Variants in PRIM2 observed in about 807,000 individuals in gnomAD.
PRIM2 encodes DNA primase subunit 2, also known as DNA primase large subunit.
In PRIM2, 39 loss-of-function variants were observed where a neutral mutation model predicts 67.3. The observed-to-expected ratio is 0.58, with a 90% confidence interval of 0.45 to 0.76. The LOEUF (loss-of-function observed/expected upper bound fraction) is 0.76, where lower values mean the gene tolerates loss of function less well. Among genes scored for constraint, PRIM2 ranks in the 30% least tolerant of loss-of-function variants. PRIM2 has a pLI of 0.00. For missense variants in PRIM2, 398 were observed against 598.7 expected, an observed-to-expected ratio of 0.66 and a Z score of 3.50; for synonymous variants, 143 against 198.7, an observed-to-expected ratio of 0.72 and a Z score of 2.36.
At chr6:57,408,530 G>C (rs1169023734) in intron 7 of PRIM2, among the ~76,000 whole-genome samples, 38 of 152,094 alleles carry the variant, frequency 2.5e-4, no homozygotes, top group African/African-American at 8.9e-4. Context: ...TTGTGCTTTT[G>C]TACAATAAAT....
chr6:57,516,177 C>G (rs1163834652), intron 8 of PRIM2, among the ~76,000 whole-genome samples: 1 of 151,958 alleles, frequency 6.6e-6, no homozygotes, highest in African/African-American at 2.4e-5. Flanking sequence ...GATCAGACTA[C>G]AGGGATATCC....
intron 12 of PRIM2, among the ~76,000 whole-genome samples, chr6:57,630,434 A>C (rs1288909204): frequency 6.6e-6 from 1 of 152,004 alleles, no homozygotes; most frequent in Non-Finnish European, 1.5e-5. Context: ...TTTGCAATAC[A>C]TCTGTTTTTC....
intron 12 of PRIM2, among the ~76,000 whole-genome samples, chr6:57,617,214 T>G (rs1776771368): frequency 6.6e-6 from 1 of 152,228 alleles, no homozygotes; most frequent in Non-Finnish European, 1.5e-5. Context: ...ATCTTTATTT[T>G]CACATGGCTT....
the PRIM2 span, among the ~76,000 whole-genome samples, chr6:57,286,975 G>T: frequency 6.6e-6 from 1 of 152,186 alleles, no homozygotes; most frequent in East Asian, 1.9e-4. Flanking sequence ...CTCAAAAGAA[G>T]ACATTTATGT....
chr6:57,595,778 T>A (rs1266353410), intron 10 of PRIM2, among the ~76,000 whole-genome samples: 1 of 152,206 alleles, frequency 6.6e-6, no homozygotes, highest in Non-Finnish European at 1.5e-5. Context: ...TGTTCCACCC[T>A]CCTATCATCT....
At chr6:57,271,594 A>AT in the PRIM2 span, among the ~76,000 whole-genome samples, 1 of 152,002 alleles carries the variant, frequency 6.6e-6, no homozygotes, top group Admixed American at 6.6e-5. Flanking sequence ...GGATTCATTG[A>AT]TTTTTTGAAG....
At chr6:57,294,643 T>C in the PRIM2 span, among the ~76,000 whole-genome samples, 1 of 151,374 alleles carries the variant, frequency 6.6e-6, no homozygotes, top group Non-Finnish European at 1.5e-5. Flanking sequence ...ATATAACATA[T>C]GTGTATGTAT....
chr6:57,345,239 C>A (rs1253474171), intron 5 of PRIM2, among the ~76,000 whole-genome samples: 1 of 151,958 alleles, frequency 6.6e-6, no homozygotes, highest in Non-Finnish European at 1.5e-5. Flanking sequence ...CTCACTGCAA[C>A]CTTTGCCTCC....
chr6:57,344,045 C>T (rs2127295912), intron 5 of PRIM2, among the ~76,000 whole-genome samples: 1 of 152,122 alleles, frequency 6.6e-6, no homozygotes, highest in East Asian at 1.9e-4. Context: ...CTCACTGAAA[C>T]TGAATTAGCA....
At chr6:57,310,528 C>T (rs1256558041), upstream of PRIM2, among the ~76,000 whole-genome samples, 1 of 152,276 alleles carries the variant, frequency 6.6e-6, no homozygotes, top group Non-Finnish European at 1.5e-5. Flanking sequence ...ACAAAACCAC[C>T]ATCGTCATCA....
chr6:57,581,489 C>T (rs1316352244), intron 10 of PRIM2, among the ~76,000 whole-genome samples: 1 of 152,160 alleles, frequency 6.6e-6, no homozygotes, highest in African/African-American at 2.4e-5. Context: ...ATTGCTGTTA[C>T]ATCAGTGGCA....
At chr6:57,417,567 A>G (rs1415413690) in intron 7 of PRIM2, among the ~76,000 whole-genome samples, 1 of 152,188 alleles carries the variant, frequency 6.6e-6, no homozygotes, top group African/African-American at 2.4e-5. Flanking sequence ...AGACAAAGGA[A>G]TGGCTGGTTG....
chr6:57,418,188 A>G (rs1231253452), intron 7 of PRIM2, among the ~76,000 whole-genome samples: 1 of 152,076 alleles, frequency 6.6e-6, no homozygotes. Context: ...TAGTAAGAGT[A>G]AATGGAGAAA....
chr6:57,386,850 G>A (rs539907922), intron 7 of PRIM2, among the ~76,000 whole-genome samples: 1 of 151,980 alleles, frequency 6.6e-6, no homozygotes, highest in East Asian at 1.9e-4. Context: ...GTACCCTAAA[G>A]TAGATTTTTT....
chr6:57,489,537 A>G (rs2127409237), intron 7 of PRIM2, among the ~76,000 whole-genome samples: 1 of 151,916 alleles, frequency 6.6e-6, no homozygotes, highest in East Asian at 1.9e-4. Flanking sequence ...AGCCTGGGCG[A>G]CAGAGTGAGA....
chr6:57,451,406 C>G (rs1581916854), intron 7 of PRIM2, among the ~76,000 whole-genome samples: 1 of 152,180 alleles, frequency 6.6e-6, no homozygotes, highest in Non-Finnish European at 1.5e-5. Flanking sequence ...TCTCAAAGTG[C>G]TGGGATTACA....
intron 5 of PRIM2, among the ~76,000 whole-genome samples, chr6:57,376,942 A>G (rs112422012): frequency 8.5e-5 from 13 of 152,286 alleles, no homozygotes; most frequent in Middle Eastern, 6.8e-3. Context: ...CAGTGGCACA[A>G]TCTGGCTCAC....
intron 10 of PRIM2, among the ~76,000 whole-genome samples, chr6:57,562,393 G>C (rs1775651096): frequency 6.6e-6 from 1 of 152,010 alleles, no homozygotes; most frequent in South Asian, 2.1e-4. Flanking sequence ...GAGGAATGTG[G>C]GTTTTATATT....
At chr6:57,542,666 G>A (rs1301942841) in intron 10 of PRIM2, among the ~76,000 whole-genome samples, 1 of 151,534 alleles carries the variant, frequency 6.6e-6, no homozygotes, top group Non-Finnish European at 1.5e-5. Context: ...ATTAATTACA[G>A]CAAATGTTAT....
Sources: gnomAD v4.1 joint callset for allele counts (sites outside exome capture counted in the v4.1 genomes callset) on GRCh38, gnomAD v4.1.1 for gene constraint, MANE v1.5 for transcripts, NCBI Gene and HGNC (gene_info 2026-07-23, HGNC 2026-07-21) for gene names.